FGD4: variants seen among roughly 807,000 people sequenced by gnomAD.
The protein encoded by FGD4 is FYVE, RhoGEF and PH domain containing 4, also known as FYVE, RhoGEF and PH domain-containing protein 4.
Under a neutral mutation model 102.0 loss-of-function variants are expected in FGD4, and 42 were observed. The ratio of observed to expected loss-of-function variants is 0.41; its 90% confidence interval spans 0.32 to 0.53. The LOEUF is 0.53. Ranked by LOEUF, FGD4 falls within the 20% of genes least tolerant of loss-of-function variation. The probability of loss-of-function intolerance (pLI) is 0.21; values close to 1 mark genes in which losing one functional copy is unlikely to be tolerated. For synonymous variants in FGD4, 380 were observed against 375.7 expected, an observed-to-expected ratio of 1.01 and a Z score of -0.13; for missense variants, 902 against 1,078.2, an observed-to-expected ratio of 0.84 and a Z score of 2.29.
chr12:32,446,204 G>A lies in FGD4; in HGVS notation c.166+46245G>A, dbSNP rs554852570. 8.8e-4 allele frequency among the ~76,000 whole-genome samples: 134 copies of A among 152,304 alleles called. 1 individual carries two copies. The highest frequency in any genetic ancestry group is 3.1e-3 in the African/African-American group (127 of 41,568). ...TTGTTTTGTGGACCAAGGGAAACAT[G>A]CCTGTGGGCTAGTTCGAATGGCCTA... On this transcript the variant is annotated intron_variant, in intron 1 of 16. Transcript: ENST00000534526.
intron 1 of FGD4, chr12:32,502,244 GGCTT>G: frequency 1.0e-6 from 1 of 985,428 alleles, no homozygotes; most frequent in Non-Finnish European, 1.2e-6. Context: ...GTTAATGGGA[GGCTT>G]GCTTTGGCTC....
intron 1 of FGD4, among the ~76,000 whole-genome samples, chr12:32,475,426 A>T (rs1943559904): frequency 6.6e-6 from 1 of 152,184 alleles, no homozygotes; most frequent in Non-Finnish European, 1.5e-5. Flanking sequence ...TCAGACTGTC[A>T]TGTGAAAATA....
chr12:32,492,716 T>C (rs1179924729), intron 1 of FGD4, among the ~76,000 whole-genome samples: 2 of 152,228 alleles, frequency 1.3e-5, no homozygotes, highest in Non-Finnish European at 2.9e-5. Flanking sequence ...GGAAAAGATA[T>C]CATCAGGAGT....
chr12:32,474,470 G>A (rs1943532613), intron 1 of FGD4, among the ~76,000 whole-genome samples: 1 of 152,184 alleles, frequency 6.6e-6, no homozygotes, highest in African/African-American at 2.4e-5. Context: ...AATGTACTAA[G>A]TGAAAGAATC....
intron 1 of FGD4, among the ~76,000 whole-genome samples, chr12:32,463,121 C>G (rs1943152163): frequency 6.6e-6 from 1 of 152,204 alleles, no homozygotes; most frequent in Non-Finnish European, 1.5e-5. Flanking sequence ...TGAACAGGTG[C>G]CTTCTTGTTT....
intron 14 of FGD4, among the ~76,000 whole-genome samples, chr12:32,628,738 A>G (rs755597221): frequency 6.6e-6 from 1 of 152,160 alleles, no homozygotes; most frequent in Non-Finnish European, 1.5e-5. Flanking sequence ...ATGAGCCGAG[A>G]TTGCGCCATT....
chr12:32,562,534 G>C (rs1236277273), intron 1 of FGD4, among the ~76,000 whole-genome samples: 4 of 152,182 alleles, frequency 2.6e-5, no homozygotes. Flanking sequence ...AAGGTCTCTG[G>C]TTTTCCTAGG....
intron 1 of FGD4, among the ~76,000 whole-genome samples, chr12:32,507,905 T>C (rs1446438330): frequency 6.6e-6 from 1 of 152,210 alleles, no homozygotes; most frequent in Non-Finnish European, 1.5e-5. Context: ...GTTGAAATAT[T>C]TGCTACTCTT....
At chr12:32,521,877 G>A (rs561737829) in intron 1 of FGD4, among the ~76,000 whole-genome samples, 15 of 152,118 alleles carry the variant, frequency 9.9e-5, no homozygotes, top group Middle Eastern at 6.8e-3. Context: ...GAACTGTTGT[G>A]TCTTAAAGGC....
chr12:32,548,200 C>T (rs1943378636), intron 1 of FGD4, among the ~76,000 whole-genome samples: 1 of 152,068 alleles, frequency 6.6e-6, no homozygotes, highest in African/African-American at 2.4e-5. Flanking sequence ...TTCCAGGGAG[C>T]ATACGCTAGT....
chr12:32,565,767 G>A (rs1592243392), intron 2 of FGD4, among the ~76,000 whole-genome samples: 2 of 152,092 alleles, frequency 1.3e-5, no homozygotes. Context: ...TTAAAGCCAC[G>A]ATATAGTTAT....
At chr12:32,465,328 G>T (rs1183995986) in intron 1 of FGD4, among the ~76,000 whole-genome samples, 1 of 151,794 alleles carries the variant, frequency 6.6e-6, no homozygotes, top group Non-Finnish European at 1.5e-5. Flanking sequence ...AGCCCCCCCA[G>T]CCCTCACCTT....
chr12:32,625,091 C>G (rs1244584301), intron 13 of FGD4, 23 bp downstream of exon 13: 2 of 1,572,680 alleles, frequency 1.3e-6, no homozygotes, highest in Non-Finnish European at 1.7e-6. Flanking sequence ...AAATTCTTAA[C>G]TTCAACCTCT....
At chr12:32,444,512 C>T (rs1167157135) in intron 1 of FGD4, among the ~76,000 whole-genome samples, 20 of 152,040 alleles carry the variant, frequency 1.3e-4, no homozygotes, top group Admixed American at 1.3e-3. Flanking sequence ...TCAAGTGATT[C>T]TCCTGCCTCA....
chr12:32,412,899 A>ATTT (rs869107334), intron 1 of FGD4, among the ~76,000 whole-genome samples: 4,903 of 86,850 alleles, frequency 0.056, 259 homozygotes, highest in Middle Eastern at 0.097. Flanking sequence ...TTTTCTAGAA[A>ATTT]TTTTTTTTTT....
chr12:32,580,800 T>G (rs1348712395), intron 3 of FGD4, among the ~76,000 whole-genome samples: 1 of 149,668 alleles, frequency 6.7e-6, no homozygotes, highest in African/African-American at 2.5e-5. Flanking sequence ...GGCAGGAGAA[T>G]GGTGTGAACC....
intron 9 of FGD4, 106 bp downstream of exon 9, chr12:32,610,940 CA>C: frequency 7.5e-7 from 1 of 1,327,368 alleles, no homozygotes. Flanking sequence ...ATAGATGAGC[CA>C]AAAAGAATGT....
At chr12:32,611,862 C>T (rs1467059095) in intron 10 of FGD4, among the ~76,000 whole-genome samples, 1 of 152,210 alleles carries the variant, frequency 6.6e-6, no homozygotes, top group Non-Finnish European at 1.5e-5. Context: ...GCTACCCAGC[C>T]GCAGCTGCCG....
At chr12:32,438,368 G>A (rs904917) in intron 1 of FGD4, among the ~76,000 whole-genome samples, 50,616 of 151,912 alleles carry the variant, frequency 0.33, 9,379 homozygotes, top group African/African-American at 0.48. Flanking sequence ...AAAAATATCT[G>A]CCGTTAAGAT....
Sources: gnomAD v4.1 joint callset for allele counts (sites outside exome capture counted in the v4.1 genomes callset) on GRCh38, gnomAD v4.1.1 for gene constraint, MANE v1.5 for transcripts, NCBI Gene and HGNC (gene_info 2026-07-23, HGNC 2026-07-21) for gene names.